NOS1: variants seen among roughly 807,000 people sequenced by gnomAD.
NOS1 encodes the protein NOS type I.
In NOS1, 51 loss-of-function variants were observed where a neutral mutation model predicts 164.5. The observed-to-expected ratio is 0.31, with a 90% CI of 0.25 to 0.39. The LOEUF (loss-of-function observed/expected upper bound fraction) is 0.39, where lower values mean the gene tolerates loss of function less well. Ranked by LOEUF, NOS1 falls within the 10% of genes least tolerant of loss-of-function variation. The pLI is 1.00. For missense variants in NOS1, 1,362 were observed against 1,885.6 expected (o/e 0.72, Z 5.14); for synonymous variants, 719 against 745.8 (o/e 0.96, Z 0.59).
At chr12:117,345,463 T>G (rs1214176989) in intron 1 of NOS1, among the ~76,000 whole-genome samples, 1 of 152,202 alleles carries the variant, frequency 6.6e-6, no homozygotes, top group Non-Finnish European at 1.5e-5. Flanking sequence ...ACAGGGTATC[T>G]GAAGATACCA....
intron 1 of NOS1, among the ~76,000 whole-genome samples, chr12:117,336,184 C>T (rs1875811690): frequency 6.6e-6 from 1 of 152,220 alleles, no homozygotes; most frequent in African/African-American, 2.4e-5. Flanking sequence ...GCCTGTGGAT[C>T]TGGGTCATAT....
intron 9 of NOS1, among the ~76,000 whole-genome samples, chr12:117,277,606 G>T (rs553608702): frequency 6.6e-6 from 1 of 151,828 alleles, no homozygotes; most frequent in South Asian, 2.1e-4. Flanking sequence ...AAAAAAGAAA[G>T]AAAAAGAAAA....
chr12:117,209,007 G>A lies in NOS1; in HGVS notation c.*6302C>T. 4.1e-6 allele frequency: 4 copies of A among 980,786 alleles called. No homozygotes were observed. Among genetic ancestry groups the A allele is most frequent in the Non-Finnish European group, 4.8e-6 (4 of 825,904 alleles). 60.8% of individuals were successfully genotyped at this position (980,786 alleles called of 1,614,324 possible). On this transcript the variant is annotated 3_prime_UTR_variant, in exon 29 of 29. Transcript: ENST00000317775. ...CAAAGTCCTGTGATTACAGGCATGA[G>A]CCACCACGCCTGGCCTGGGAGGGGT...
intron 1 of NOS1, among the ~76,000 whole-genome samples, chr12:117,348,994 A>G (rs1004084918): frequency 6.6e-6 from 1 of 152,374 alleles, no homozygotes; most frequent in East Asian, 1.9e-4. Flanking sequence ...TACGATATTA[A>G]CATTGGGGAA....
At chr12:117,217,747 C>G (rs1384041273) in intron 28 of NOS1, among the ~76,000 whole-genome samples, 1 of 151,866 alleles carries the variant, frequency 6.6e-6, no homozygotes, top group African/African-American at 2.4e-5. Flanking sequence ...CATCATTACA[C>G]TAGGGGGTGC....
At chr12:117,347,457 C>G (rs1230638717) in intron 1 of NOS1, among the ~76,000 whole-genome samples, 6 of 152,122 alleles carry the variant, frequency 3.9e-5, no homozygotes, top group African/African-American at 1.4e-4. Flanking sequence ...GCGCCTCCCC[C>G]TTTAGGTGGG....
intron 4 of NOS1, among the ~76,000 whole-genome samples, chr12:117,289,969 C>A (rs1409034222): frequency 6.6e-6 from 1 of 152,190 alleles, no homozygotes; most frequent in African/African-American, 2.4e-5. Context: ...TGTGCCCGAG[C>A]TGTCTTATCT....
At chr12:117,255,938 G>A in intron 16 of NOS1, 1 of 1,493,620 alleles carries the variant, frequency 6.7e-7, no homozygotes. Context: ...CACTCTACCT[G>A]TGCTGGCTGT....
chr12:117,288,770 G>A (rs1043941035), intron 4 of NOS1, among the ~76,000 whole-genome samples: 9 of 152,156 alleles, frequency 5.9e-5, no homozygotes, highest in African/African-American at 2.2e-4. Flanking sequence ...AAGAGTTCTT[G>A]CATGTTTCTG....
intron 3 of NOS1, among the ~76,000 whole-genome samples, chr12:117,299,393 C>T (rs899944791): frequency 4.6e-5 from 7 of 152,010 alleles, no homozygotes; most frequent in African/African-American, 1.7e-4. Flanking sequence ...AATCCCAGCA[C>T]TTTGGGAGGC....
At chr12:117,283,420 T>C (rs778057717) in intron 7 of NOS1, among the ~76,000 whole-genome samples, 6 of 152,142 alleles carry the variant, frequency 3.9e-5, no homozygotes, top group East Asian at 3.9e-4. Flanking sequence ...TTAAAAACTA[T>C]AGAAAGAAAA....
chr12:117,292,787 G>C (rs1354618423), intron 3 of NOS1, among the ~76,000 whole-genome samples: 1 of 152,170 alleles, frequency 6.6e-6, no homozygotes, highest in South Asian at 2.1e-4. Context: ...CTATGTGCCA[G>C]GTGAGGCAGC....
At chr12:117,259,594 C>T (rs1871722835) in intron 14 of NOS1, among the ~76,000 whole-genome samples, 1 of 152,148 alleles carries the variant, frequency 6.6e-6, no homozygotes, top group African/African-American at 2.4e-5. Context: ...CCAAACAAGT[C>T]TGAGATATCT....
chr12:117,222,099 G>A (rs912800623), intron 26 of NOS1, among the ~76,000 whole-genome samples: 1 of 151,582 alleles, frequency 6.6e-6, no homozygotes, highest in Non-Finnish European at 1.5e-5. Flanking sequence ...TTTTCTTTAC[G>A]TCAGATGGAA....
intron 7 of NOS1, among the ~76,000 whole-genome samples, chr12:117,283,924 C>T (rs892540085): frequency 6.7e-6 from 1 of 149,786 alleles, no homozygotes; most frequent in African/African-American, 2.5e-5. Flanking sequence ...GGCCTAATCT[C>T]GACCAGGTCC....
In NOS1 at chr12:117,212,312, A is replaced by G; in HGVS notation, c.*2997T>C. 1.0e-6 allele frequency: 1 copy of G among 985,416 alleles called. No individual in the cohort carries two copies. The highest frequency in any genetic ancestry group is 1.1e-4 in the East Asian group (1 of 8,812). The allele number at this position is 985,416 out of a possible 1,614,324, so 61.0% of individuals were successfully genotyped here. ...AAGGTCAAGTGAGCCGCCCACAGCCATCTGCACCAACAGGGGCAGAATTAG... is the reference window on the plus strand; with the variant it reads ...AAGGTCAAGTGAGCCGCCCACAGCCGTCTGCACCAACAGGGGCAGAATTAG... On this transcript the variant is annotated 3_prime_UTR_variant, in exon 29 of 29. Transcript: ENST00000317775.
chr12:117,360,738 C>T (rs1388902549), intron 1 of NOS1, among the ~76,000 whole-genome samples: 2 of 152,212 alleles, frequency 1.3e-5, no homozygotes, highest in Non-Finnish European at 2.9e-5. Flanking sequence ...AGTTGCGATT[C>T]GGCCGCAGAG....
chr12:117,301,106 C>A (rs571134868), intron 3 of NOS1, among the ~76,000 whole-genome samples: 2 of 152,174 alleles, frequency 1.3e-5, no homozygotes, highest in South Asian at 4.1e-4. Flanking sequence ...CGGCTGTGAA[C>A]TGCTCCAGGG....
Position 117,213,525 on chromosome 12 carries a change from G to A in NOS1, c.*1784C>T, listed in dbSNP as rs1031186025. On this transcript the variant is annotated 3_prime_UTR_variant, in exon 29 of 29. Coordinates refer to ENST00000317775, the MANE Select transcript of NOS1 (RefSeq NM_000620.5). The stretch of plus-strand genomic sequence containing the variant: ...GGGCTGCCAGGGATGGCAGAGCAAG[G>A]TGAGTCATAGATTGCCTTTTCACTT... 3.0e-6 allele frequency: 3 copies of A among 985,350 alleles called. No homozygotes were observed. The highest frequency in any genetic ancestry group is 3.6e-6 in the Non-Finnish European group (3 of 829,970). 61.0% of individuals were successfully genotyped at this position (985,350 alleles called of 1,614,324 possible).
Sources: allele counts gnomAD v4.1 joint callset (sites outside exome capture counted in the v4.1 genomes callset), GRCh38; gene constraint gnomAD v4.1.1; transcripts MANE v1.5; gene names NCBI Gene and HGNC (gene_info 2026-07-23, HGNC 2026-07-21).